The following PITX3 variants were observed in gnomAD, a reference collection of about 807,000 sequenced individuals.
PITX3 encodes the protein paired like homeodomain 3.
A neutral mutation model predicts 14.2 loss-of-function variants in PITX3; 4 were observed. The observed-to-expected ratio is 0.28, with a 90% CI of 0.14 to 0.65. The LOEUF is 0.65. Ranked by LOEUF, PITX3 falls within the 30% of genes least tolerant of loss-of-function variation. The pLI, the probability that PITX3 is intolerant of heterozygous loss-of-function variation, is 0.82. For missense variants in PITX3, 358 were observed against 426.8 expected, an observed-to-expected ratio of 0.84 and a Z score of 1.42; for synonymous variants, 194 against 204.5, an observed-to-expected ratio of 0.95 and a Z score of 0.44.
At chr10:102,235,438 C>T (rs1477584387) in intron 1 of PITX3, among the ~76,000 whole-genome samples, 2 of 152,136 alleles carry the variant, frequency 1.3e-5, no homozygotes, top group South Asian at 2.1e-4. Flanking sequence ...TCTAGATTCA[C>T]GTCCTGGCTG....
In PITX3 at chr10:102,230,601, G is replaced by A. The variant is rs1257625903; in HGVS notation, c.822C>T (p.His274=). 13 of 1,611,004 alleles carry A rather than the reference G, an allele frequency of 8.1e-6. No individual in the cohort carries two copies. The African/African-American group carries it at 1.2e-4, about 15-fold the overall frequency. ...GCACAGCGGGGTAGCTGAAGGAGGC[G>A]TGCTGTTTGGCTTTGAGCCGCAGGC... The part of the protein sequence containing the change: ...LASLRLKAKQ[H]ASFSYPAVHG... Residue 274 remains histidine (H), a synonymous_variant, in exon 4 of 4, where the codon CAC becomes CAT. Transcript: ENST00000370002.
chr10:102,231,985 G>A lies in PITX3; in HGVS notation c.96C>T (p.Gly32=), dbSNP rs768316802. The A allele has an allele frequency of 2.5e-5, 41 of 1,610,398 alleles. No homozygotes were observed. Among genetic ancestry groups the A allele is most frequent in the Non-Finnish European group, 2.5e-5 (30 of 1,179,284 alleles). The part of the protein sequence containing the change: ...GTPHPQLPEH[G]CKGQEHSDSE... ...TACCGCTGTGCTCCTGGCCCTTGCA[G>A]CCGTGCTCTGGGAGCTGGGGGTGCG... Residue 32 remains glycine, a synonymous_variant, in exon 2 of 4, where the codon GGC becomes GGT. Coordinates refer to ENST00000370002, the MANE Select transcript of PITX3 (RefSeq NM_005029.4).
intron 1 of PITX3, among the ~76,000 whole-genome samples, chr10:102,233,893 G>A (rs1165059040): frequency 6.6e-6 from 1 of 152,130 alleles, no homozygotes; most frequent in Non-Finnish European, 1.5e-5. Context: ...CCCCCGCAGG[G>A]TCCCCTTTTC....
chr10:102,233,037 G>A (rs942775598), intron 1 of PITX3, among the ~76,000 whole-genome samples: 3 of 152,164 alleles, frequency 2.0e-5, no homozygotes, highest in African/African-American at 7.2e-5. Flanking sequence ...TGTAAGCAGT[G>A]GGATTGAGAT....
chr10:102,230,434 A>G lies in PITX3; in HGVS notation c.*80T>C. 2 of 1,529,296 alleles carry G rather than the reference A, an allele frequency of 1.3e-6. No individual in the cohort carries two copies. The highest frequency in any genetic ancestry group is 1.8e-6 in the Non-Finnish European group (2 of 1,133,366). The allele number at this position is 1,529,296 out of a possible 1,614,324, so 94.7% of individuals were successfully genotyped here. A position where few individuals can be genotyped will look rare whatever the true frequency, so the allele number is the denominator to read the frequency against. The stretch of plus-strand genomic sequence containing the variant: ...CCTTTCAGACCCTGGGGCGGGAGCA[A>G]GCCAGTCAAAATGACCCCAGTCCGC... On this transcript the variant is annotated 3_prime_UTR_variant, in exon 4 of 4. Transcript: ENST00000370002.
intron 1 of PITX3, 48 bp from the exon 2 acceptor site, chr10:102,232,140 C>G (rs1178083454): frequency 9.4e-7 from 1 of 1,065,778 alleles, no homozygotes; most frequent in African/African-American, 1.5e-5. Flanking sequence ...GTAAAATCTC[C>G]GGCTTAGCTA....
At position 102,231,663 on chromosome 10, in the gene PITX3, C is replaced by T. The variant is rs1233770344; in HGVS notation, c.246G>A (p.Gln82=). ...TGCTCATGTCGGGGTAGCGGTTCCT[C>T]TGGAAGGTCGCCTCTAGCTCCTGTA... The part of the protein sequence containing the change: ...QQLQELEATF[Q]RNRYPDMSTR... The change falls in exon 3 of 4, where the codon CAG becomes CAA. Residue 82 remains glutamine, a synonymous_variant. Transcript: ENST00000370002. 1 of 1,612,668 alleles carries T rather than the reference C, an allele frequency of 6.2e-7. No homozygotes were observed. Among genetic ancestry groups the T allele is most frequent in the East Asian group, 2.2e-5 (1 of 44,812 alleles).
Position 102,231,706 on chromosome 10 carries a change from T to G in PITX3, c.203A>C (p.His68Pro). ...LKKKQRRQRT[H>P]FTSQQLQELE... is the part of the protein sequence containing the mutation. ...CTCCTGTAGCTGCTGGCTGGTGAAGTGCGTGCGCTGCCGCCGCTGCTTCTT... is the reference window on the plus strand; with the variant it reads ...CTCCTGTAGCTGCTGGCTGGTGAAGGGCGTGCGCTGCCGCCGCTGCTTCTT... Residue 68 changes from histidine to proline, a missense_variant, in exon 3 of 4, where the codon CAC becomes CCC. Around this residue, in one of 3 missense-constraint regions of PITX3, gnomAD observed 50 missense variants for 96.7 expected, o/e 0.52. Transcript: ENST00000370002. 6.2e-7 allele frequency: 1 copy of G among 1,609,796 alleles called. No individual in the cohort carries two copies. Among genetic ancestry groups the G allele is most frequent in the Non-Finnish European group, 8.5e-7 (1 of 1,178,414 alleles).
In PITX3 at chr10:102,231,717, C is replaced by T. The variant is rs1437423751; in HGVS notation, c.192G>A (p.Arg64=). 6.2e-7 allele frequency: 1 copy of T among 1,609,896 alleles called. No individual in the cohort carries two copies. The highest frequency in any genetic ancestry group is 1.7e-5 in the Admixed American group (1 of 59,450). ...GCTGGCTGGTGAAGTGCGTGCGCTG[C>T]CGCCGCTGCTTCTTTTTCAGCGAAC... ...EDGSLKKKQR[R]QRTHFTSQQL... The change falls in exon 3 of 4, where the codon CGG becomes CGA. Residue 64 remains arginine (R), a synonymous_variant. Coordinates refer to ENST00000370002, the MANE Select transcript of PITX3 (RefSeq NM_005029.4).
intron 1 of PITX3, 109 bp from the exon 2 acceptor site, chr10:102,232,201 G>GC (rs2070264896): frequency 1.4e-6 from 1 of 692,564 alleles, no homozygotes; most frequent in Non-Finnish European, 2.6e-6. Context: ...CTCAACCCCA[G>GC]CCGTAAAGCT....
chr10:102,230,820 G>A lies in PITX3; in HGVS notation c.603C>T (p.Ser201=), dbSNP rs1484304225. The change falls in exon 4 of 4, where the codon TCC becomes TCT. Residue 201 remains serine, a synonymous_variant. Transcript: ENST00000370002. The part of the protein sequence containing the change: ...PSSIAASMVP[S]AAAAPGTVPG... ...GCACGGTGCCCGGGGCAGCCGCGGC[G>A]GAGGGCACCATGGAGGCGGCGATGG... The A allele has an allele frequency of 1.3e-6, 2 of 1,570,058 alleles. No individual in the cohort carries two copies. The highest frequency in any genetic ancestry group is 4.7e-5 in the East Asian group (2 of 42,268).
At chr10:102,231,899 G>A in intron 2 of PITX3, 64 bp downstream of exon 2, 2 of 1,560,762 alleles carry the variant, frequency 1.3e-6, no homozygotes, top group Admixed American at 1.7e-5. Flanking sequence ...TGCCCAGCCG[G>A]GGTCCCACCC....
chr10:102,232,361 G>C (rs1428283986), intron 1 of PITX3, among the ~76,000 whole-genome samples: 1 of 152,136 alleles, frequency 6.6e-6, no homozygotes, highest in Non-Finnish European at 1.5e-5. Flanking sequence ...TATACAGTTG[G>C]GGTTCAATAT....
At chr10:102,235,407 AT>A (rs914877296) in intron 1 of PITX3, among the ~76,000 whole-genome samples, 2 of 152,050 alleles carry the variant, frequency 1.3e-5, no homozygotes, top group African/African-American at 2.4e-5. Context: ...GCCCAAAGAA[AT>A]TAGGTTTAGA....
In PITX3 at chr10:102,241,113, C is replaced by T. The variant is rs1387802331; in HGVS notation, c.-13+220G>A. Among the ~76,000 whole-genome samples, 2 of 152,170 alleles carry T rather than the reference C, an allele frequency of 1.3e-5. No homozygotes were observed. Among genetic ancestry groups the T allele is most frequent in the African/African-American group, 4.8e-5 (2 of 41,440 alleles). The stretch of plus-strand genomic sequence containing the variant: ...TGGTTTCAAGTCTCCGGCTTCGTTC[C>T]GGATCCTCTGAGTCTCCCCCTTCCC... On this transcript the variant is annotated intron_variant, in intron 1 of 3. Coordinates refer to ENST00000370002, the MANE Select transcript of PITX3 (RefSeq NM_005029.4). This position sits in a 1 kb window ranked among gnomAD's most constrained non-coding sequence, Gnocchi z 6.7.
chr10:102,235,801 G>T (rs930854278), intron 1 of PITX3, among the ~76,000 whole-genome samples: 1 of 152,168 alleles, frequency 6.6e-6, no homozygotes, highest in African/African-American at 2.4e-5. Context: ...GGTGAATGAA[G>T]GTGAGTACGC....
intron 1 of PITX3, among the ~76,000 whole-genome samples, chr10:102,234,632 C>T (rs1244806473): frequency 6.6e-6 from 1 of 151,962 alleles, no homozygotes; most frequent in Non-Finnish European, 1.5e-5. Flanking sequence ...CTGAAGTCTC[C>T]CCTTACTTCA....
Position 102,231,981 on chromosome 10 carries a change from T to C in PITX3, c.100A>G (p.Lys34Glu), listed in dbSNP as rs781446007. 6.2e-7 allele frequency: 1 copy of C among 1,610,482 alleles called. No homozygotes were observed. The highest frequency in any genetic ancestry group is 8.5e-7 in the Non-Finnish European group (1 of 1,179,296). Residue 34 changes from lysine (K) to glutamate (E), a missense_variant, in exon 2 of 4, where the codon AAG becomes GAG. Transcript: ENST00000370002. ...PHPQLPEHGC[K>E]GQEHSDSEKA... ...CGCTTACCGCTGTGCTCCTGGCCCT[T>C]GCAGCCGTGCTCTGGGAGCTGGGGG...
chr10:102,231,768 C>A lies in PITX3; in HGVS notation c.141G>T (p.Ser47=). The A allele has an allele frequency of 6.2e-7, 1 of 1,604,798 alleles. No homozygotes were observed. Residue 47 remains serine, a synonymous_variant, in exon 3 of 4, where the codon TCG becomes TCT. Coordinates refer to ENST00000370002, the MANE Select transcript of PITX3 (RefSeq NM_005029.4). ...EHSDSEKASA[S]LPGGSPEDGS... ...CGTCCTCTGGGGAGCCGCCGGGCAG[C>A]GAAGCCGAGGCCTTTTCTGAGTCTG...
Sources: gnomAD v4.1 joint callset for allele counts (sites outside exome capture counted in the v4.1 genomes callset) on GRCh38, gnomAD v4.1.1 for gene constraint, gnomAD v4.1.1 regional missense constraint, Gnocchi (gnomAD v3.1) non-coding constraint, MANE v1.5 for transcripts, NCBI Gene and HGNC (gene_info 2026-07-23, HGNC 2026-07-21) for gene names.